The following TMEM223 variants were observed in gnomAD, a reference collection of about 807,000 sequenced individuals.
TMEM223 encodes transmembrane protein 223.
A neutral mutation model predicts 14.1 loss-of-function variants in TMEM223; 14 were observed. That is an observed-to-expected ratio of 0.99 (90% CI 0.66 to 1.55). The LOEUF is 1.55. Among genes scored for constraint, TMEM223 ranks in the 40% most tolerant of loss-of-function variants. The pLI, the probability that TMEM223 is intolerant of heterozygous loss-of-function variation, is 0.00. For missense variants in TMEM223, 346 were observed against 269.9 expected (o/e 1.28, Z -1.97); for synonymous variants, 145 against 120.5 (o/e 1.20, Z -1.33).
chr11:62,789,534 C>CT, downstream of TMEM223: 1 of 1,580,730 alleles, frequency 6.3e-7, no homozygotes, highest in Non-Finnish European at 8.6e-7. Flanking sequence ...TCACAGGGCA[C>CT]TGGGCACAGG....
chr11:62,784,481 T>C (rs1316885843), downstream of TMEM223, among the ~76,000 whole-genome samples: 2 of 151,208 alleles, frequency 1.3e-5, no homozygotes, highest in Non-Finnish European at 2.9e-5. Flanking sequence ...TAATTTTTTG[T>C]ATTTTTAGTA....
intron 1 of TMEM223, among the ~76,000 whole-genome samples, chr11:62,775,191 TG>T (rs1283900997): frequency 6.6e-6 from 1 of 152,102 alleles, no homozygotes; most frequent in African/African-American, 2.4e-5. Flanking sequence ...TCTTTCTTCA[TG>T]TGGCTGCAGC....
chr11:62,775,329 C>T (rs888185857), intron 1 of TMEM223, among the ~76,000 whole-genome samples: 2 of 152,152 alleles, frequency 1.3e-5, no homozygotes, highest in Middle Eastern at 3.2e-3. Flanking sequence ...CACCTGGTCC[C>T]GCTCTTGACA....
chr11:62,775,574 C>A, intron 1 of TMEM223: 2 of 561,094 alleles, frequency 3.6e-6, no homozygotes, highest in South Asian at 2.4e-5. Flanking sequence ...TGGACTTTGT[C>A]TAGCTTCACC....
chr11:62,789,026 TC>T (rs1401913700), downstream of TMEM223: 20 of 1,610,954 alleles, frequency 1.2e-5, no homozygotes, highest in Non-Finnish European at 1.6e-5. Context: ...TCCACAGGGC[TC>T]CTTCAGTGGT....
At chr11:62,787,261 G>A (rs1332717861), downstream of TMEM223, 6 of 1,565,980 alleles carry the variant, frequency 3.8e-6, no homozygotes, top group South Asian at 2.3e-5. Context: ...CCGCCGGTGG[G>A]CGCTCTCGGA....
exon 3 of TMEM223, chr11:62,771,794 C>T: frequency 4.3e-6 from 1 of 234,528 alleles, no homozygotes; most frequent in Non-Finnish European, 8.7e-6. Context: ...ACTTTGGTCA[C>T]AGTCTAGATT....
chr11:62,771,663 C>A, exon 3 of TMEM223: 1 of 190,786 alleles, frequency 5.2e-6, no homozygotes, highest in Non-Finnish European at 1.1e-5. Context: ...CTGGGCTGGG[C>A]TAGGCCGGGT....
chr11:62,785,255 G>A (rs1156470642), downstream of TMEM223, among the ~76,000 whole-genome samples: 4 of 151,248 alleles, frequency 2.6e-5, no homozygotes, highest in African/African-American at 9.7e-5. Context: ...GCAATGGCGC[G>A]ACCTCGGCTC....
chr11:62,786,495 T>G (rs1565190808), downstream of TMEM223: 2 of 1,571,138 alleles, frequency 1.3e-6, no homozygotes, highest in East Asian at 2.3e-5. Context: ...TTTTTGCCTA[T>G]CTTAGTCCTT....
intron 1 of TMEM223, among the ~76,000 whole-genome samples, chr11:62,781,245 A>G (rs200760044): frequency 4.6e-5 from 7 of 150,964 alleles, no homozygotes; most frequent in South Asian, 2.1e-4. Context: ...CAAAGAAAAA[A>G]AAAAAAGAAA....
At chr11:62,772,036 GT>G in exon 3 of TMEM223, 1 of 454,540 alleles carries the variant, frequency 2.2e-6, no homozygotes, top group Non-Finnish European at 4.4e-6. Context: ...GGAGCAAGGG[GT>G]TGAGTCCTTG....
At chr11:62,788,804 A>G (rs1342150636), downstream of TMEM223, among the ~76,000 whole-genome samples, 1 of 152,048 alleles carries the variant, frequency 6.6e-6, no homozygotes, top group Non-Finnish European at 1.5e-5. Flanking sequence ...ATTGCATTCT[A>G]TATTCATTGC....
rs145421020 is a variant in TMEM223 at position 62,781,928 on chromosome 11, T to C, written c.315-7263A>G. 74 of 1,614,044 alleles carry C rather than the reference T, an allele frequency of 4.6e-5. No individual in the cohort carries two copies. The highest frequency in any genetic ancestry group is 8.3e-5 in the Admixed American group (5 of 59,992). On this transcript the variant is annotated intron_variant, in intron 1 of 2. Coordinates refer to the TMEM223 transcript ENST00000528367. ...CAGGACTTGCAGACGAACTCCAAGA[T>C]TGGGGCACTCCTGCCTTACTTTGTT...
downstream of TMEM223, chr11:62,787,357 TC>T (rs1443166986): frequency 2.0e-6 from 3 of 1,537,468 alleles, no homozygotes; most frequent in Non-Finnish European, 2.6e-6. Context: ...GTCTCCACCT[TC>T]GTGGGTCGCG....
In TMEM223 at chr11:62,791,694, C is replaced by G; in HGVS notation, c.301G>C (p.Gly101Arg). The G allele has an allele frequency of 6.5e-7, 1 of 1,539,398 alleles. No homozygotes were observed. Residue 101 changes from glycine (G) to arginine (R), a missense_variant, in exon 1 of 2, where the codon GGC becomes CGC. Coordinates refer to ENST00000307366, the MANE Select transcript of TMEM223 (RefSeq NM_001080501.3). The part of the protein sequence containing the change: ...SALWRYGLAV[G>R]CGAIGALVLG... Reference sequence around the variant, plus strand: ...CACGTCTTACCGATGGCGCCGCAGCCGACGGCCAGACCGTAGCGCCAGAGC... The same window carrying G: ...CACGTCTTACCGATGGCGCCGCAGCGGACGGCCAGACCGTAGCGCCAGAGC...
chr11:62,787,431 C>CATGGCGCT, downstream of TMEM223: 2 of 1,563,730 alleles, frequency 1.3e-6, no homozygotes, highest in Non-Finnish European at 1.7e-6. Context: ...GTCAGGGCGC[C>CATGGCGCT]ATGGCGCTGT....
At chr11:62,787,411 C>G (rs772694587), downstream of TMEM223, 12 of 1,556,778 alleles carry the variant, frequency 7.7e-6, no homozygotes, top group Admixed American at 7.5e-5. Flanking sequence ...TGCAGCGGCG[C>G]TTCCTGGTGG....
chr11:62,774,664 C>A (rs1011707759), exon 2 of TMEM223: 9 of 454,938 alleles, frequency 2.0e-5, no homozygotes, highest in Non-Finnish European at 4.0e-5. Context: ...TTGTGCTATA[C>A]CCTGTGAACA....
Sources: allele counts gnomAD v4.1 joint callset (sites outside exome capture counted in the v4.1 genomes callset), GRCh38; gene constraint gnomAD v4.1.1; transcripts MANE v1.5; gene names NCBI Gene and HGNC (gene_info 2026-07-23, HGNC 2026-07-21).